The following RGS12 variants were observed in gnomAD, a reference collection of about 807,000 sequenced individuals.
RGS12 encodes regulator of G-protein signaling 12.
RGS12 carries 66 observed loss-of-function variants against 120.1 expected under a neutral mutation model. The observed-to-expected ratio is 0.55, with a 90% confidence interval of 0.45 to 0.67. RGS12 has a LOEUF of 0.67. Ranked by LOEUF, RGS12 falls within the 30% of genes least tolerant of loss-of-function variation. The probability of loss-of-function intolerance (pLI) is 0.00; values close to 1 mark genes in which losing one functional copy is unlikely to be tolerated. For missense variants in RGS12, 1,859 were observed against 1,957.7 expected (o/e 0.95, Z 0.95); for synonymous variants, 827 against 804.7 (o/e 1.03, Z -0.47).
chr4:3,351,802 C>A (rs1714384104), intron 3 of RGS12, among the ~76,000 whole-genome samples: 2 of 152,044 alleles, frequency 1.3e-5, no homozygotes, highest in South Asian at 2.1e-4. Context: ...ACTTGGTGTG[C>A]CTCAATGTTT....
At chr4:3,288,659 A>T (rs1722952431), upstream of RGS12, among the ~76,000 whole-genome samples, 1 of 152,194 alleles carries the variant, frequency 6.6e-6, no homozygotes, top group South Asian at 2.1e-4. This position sits in a 1 kb window ranked among gnomAD's most constrained non-coding sequence, Gnocchi z 5.2. Context: ...GGACCCTGGC[A>T]TGTTGCCACA....
intron 17 of RGS12, among the ~76,000 whole-genome samples, chr4:3,432,403 C>T (rs555151003): frequency 1.3e-5 from 2 of 152,336 alleles, no homozygotes; most frequent in South Asian, 4.1e-4. Flanking sequence ...GCTGGTGGCC[C>T]GGTGGCGGGT....
At chr4:3,417,655 T>A in intron 9 of RGS12, 114 bp downstream of exon 9, 1 of 1,135,980 alleles carries the variant, frequency 8.8e-7, no homozygotes, top group Non-Finnish European at 1.3e-6. Context: ...TGAGAGGCCC[T>A]GTTGGCGGGT....
At position 3,428,151 on chromosome 4, in the gene RGS12, C is replaced by T. The variant is rs778910179; in HGVS notation, c.3393C>T (p.Ser1131=). 3 of 1,613,676 alleles carry T rather than the reference C, an allele frequency of 1.9e-6. No individual in the cohort carries two copies. Among genetic ancestry groups the T allele is most frequent in the South Asian group, 2.2e-5 (2 of 91,084 alleles). ...AGAACACAGCTGTAAATTCCAGCTC[C>T]AGAAACCACTCGGCTACGGTAATTC... is the stretch of plus-strand genomic sequence containing the variant. ...VKQNTAVNSS[S]RNHSATGEER... The change falls in exon 15 of 18, where the codon TCC becomes TCT. Residue 1131 remains serine (S), a synonymous_variant. Transcript: ENST00000336727.
At chr4:3,288,905 C>A (rs566360297), upstream of RGS12, among the ~76,000 whole-genome samples, 20 of 152,304 alleles carry the variant, frequency 1.3e-4, no homozygotes, top group Non-Finnish European at 2.2e-4. This position sits in a 1 kb window ranked among gnomAD's most constrained non-coding sequence, Gnocchi z 5.2. Flanking sequence ...GCCATCCCCC[C>A]ACCCCTACGA....
rs932704432 is a variant in RGS12 at position 3,366,811 on chromosome 4, C to A, written c.1999-19605C>A. Among the ~76,000 whole-genome samples, 1 of 152,122 alleles carries A rather than the reference C, an allele frequency of 6.6e-6. No individual in the cohort carries two copies. Among genetic ancestry groups the A allele is most frequent in the African/African-American group, 2.4e-5 (1 of 41,430 alleles). On this transcript the variant is annotated intron_variant, in intron 3 of 17. Transcript: ENST00000336727. The surrounding 1 kb of genome is among the most constrained non-coding windows in gnomAD (Gnocchi z 4.0). Reference sequence around the variant, plus strand: ...GGAGACAGGTGAGTCTGTAAGGAGGCCCAGAGTCAAGGAGGAGCTCTTTGG... The same window carrying A: ...GGAGACAGGTGAGTCTGTAAGGAGGACCAGAGTCAAGGAGGAGCTCTTTGG...
chr4:3,313,486 G>A (rs1255480283), intron 1 of RGS12, among the ~76,000 whole-genome samples: 2 of 152,202 alleles, frequency 1.3e-5, no homozygotes, highest in African/African-American at 4.8e-5. Context: ...CCGTGACAAA[G>A]TGATTCCCCC....
At chr4:3,368,559 A>ATG (rs142166328) in intron 3 of RGS12, among the ~76,000 whole-genome samples, 3 of 56,064 alleles carry the variant, frequency 5.4e-5, no homozygotes, top group Admixed American at 2.7e-4. Flanking sequence ...TGTGGGGTGC[A>ATG]TGTGTGTGTG....
In RGS12 at chr4:3,355,944, C is replaced by G. The variant is rs904329055; in HGVS notation, c.1998+12891C>G. ...ATTGTATATACATTTAGAAAATGAC[C>G]TATAGATTCAGTGCAGTTTTAATCA... is the stretch of plus-strand genomic sequence containing the variant. On this transcript the variant is annotated intron_variant, in intron 3 of 17. Coordinates refer to ENST00000336727, the MANE Select transcript of RGS12 (RefSeq NM_001394154.1). Among the ~76,000 whole-genome samples the G allele has an allele frequency of 4.6e-5, 7 of 151,620 alleles. No homozygotes were observed. In the East Asian group the frequency reaches 1.4e-3, roughly 29 times the overall value.
At chr4:3,368,870 C>T (rs546743243) in intron 3 of RGS12, among the ~76,000 whole-genome samples, 2 of 152,172 alleles carry the variant, frequency 1.3e-5, no homozygotes, top group East Asian at 3.9e-4. Flanking sequence ...TCTATACGTG[C>T]TCCGCCTTCT....
chr4:3,351,417 A>G (rs941028039), intron 3 of RGS12, among the ~76,000 whole-genome samples: 3 of 152,026 alleles, frequency 2.0e-5, no homozygotes, highest in Non-Finnish European at 4.4e-5. Flanking sequence ...TTTTTAGAAT[A>G]TCGATTTTTC....
At chr4:3,292,901 G>A (rs1359774052), upstream of RGS12, 2 of 137,128 alleles carry the variant, frequency 1.5e-5, no homozygotes, top group African/African-American at 5.4e-5. Context: ...CCCCGCCCCC[G>A]CATCGCCCCG....
intron 1 of RGS12, chr4:3,314,605 C>G (rs1978033): frequency 2.0e-5 from 3 of 152,150 alleles, no homozygotes; most frequent in African/African-American, 7.2e-5. Context: ...AAGGTTTCAC[C>G]GTGTTAGCCA....
chr4:3,421,975 T>C (rs533099535), intron 10 of RGS12, among the ~76,000 whole-genome samples: 3 of 152,292 alleles, frequency 2.0e-5, no homozygotes, highest in East Asian at 1.9e-4. Flanking sequence ...GACGTTTCCA[T>C]TGGAACGATG....
chr4:3,363,044 G>GGTGT (rs759503590), intron 3 of RGS12, among the ~76,000 whole-genome samples: 2,405 of 150,842 alleles, frequency 0.016, 56 homozygotes, highest in African/African-American at 0.052. Context: ...GGAACGCGAG[G>GGTGT]GTGTATGTGT....
In RGS12 at chr4:3,422,668, C is replaced by T. The variant is rs557273820; in HGVS notation, c.3033+98C>T. 1.8e-5 allele frequency: 24 copies of T among 1,334,748 alleles called. No individual in the cohort carries two copies. The Middle Eastern group carries it at 7.8e-4, about 43-fold the overall frequency. The allele number at this position is 1,334,748 out of a possible 1,614,324, so 82.7% of individuals were successfully genotyped here. On this transcript the variant is annotated intron_variant, in intron 11 of 17. Coordinates refer to ENST00000336727, the MANE Select transcript of RGS12 (RefSeq NM_001394154.1). ...AGAGTCCTCAGGCTGCCCCCTCCTG[C>T]GCTCCTCATTTCAACAGCGCCTGGG...
At chr4:3,337,339 C>T (rs1712587711) in intron 2 of RGS12, among the ~76,000 whole-genome samples, 1 of 152,198 alleles carries the variant, frequency 6.6e-6, no homozygotes, top group Non-Finnish European at 1.5e-5. Flanking sequence ...AGTACAATGA[C>T]CACATGGCCC....
At position 3,393,616 on chromosome 4, in the gene RGS12, G is replaced by C. The variant is rs527726491; in HGVS notation, c.2020+7179G>C. 2.6e-5 allele frequency among the ~76,000 whole-genome samples: 4 copies of C among 152,206 alleles called. No homozygotes were observed. In the South Asian group the frequency reaches 8.3e-4, roughly 32 times the overall value. Reference sequence around the variant, plus strand: ...GAATTACACCCCTTCTGGTGACTGTGGTCCAATTTTGGGAACTGTTGCTTC... The same window carrying C: ...GAATTACACCCCTTCTGGTGACTGTCGTCCAATTTTGGGAACTGTTGCTTC... On this transcript the variant is annotated intron_variant, in intron 4 of 17. Coordinates refer to ENST00000336727, the MANE Select transcript of RGS12 (RefSeq NM_001394154.1).
intron 4 of RGS12, among the ~76,000 whole-genome samples, chr4:3,410,293 G>C (rs141667874): frequency 6.6e-6 from 1 of 152,356 alleles, no homozygotes; most frequent in East Asian, 1.9e-4. Context: ...TTCATTTTCT[G>C]TAGAGATAGG....
Sources: allele counts gnomAD v4.1 joint callset (sites outside exome capture counted in the v4.1 genomes callset), GRCh38; gene constraint gnomAD v4.1.1; non-coding constraint Gnocchi (gnomAD v3.1); transcripts MANE v1.5; gene names NCBI Gene and HGNC (gene_info 2026-07-23, HGNC 2026-07-21).